FLNA: variants seen among roughly 807,000 people sequenced by gnomAD.
FLNA encodes filamin A.
FLNA carries 7 observed loss-of-function variants against 157.6 expected under a neutral mutation model. The observed-to-expected ratio is 0.04, with a 90% CI of 0.03 to 0.08. FLNA has a LOEUF of 0.08. FLNA is among the 10% of genes least tolerant of loss of function. FLNA has a pLI of 1.00. For synonymous variants in FLNA, 1,103 were observed against 1,060.8 expected (o/e 1.04, Z -0.77); for missense variants, 1,750 against 2,398.4 (o/e 0.73, Z 5.65).
In FLNA at chrX:154,352,187, C is replaced by T; in HGVS notation, c.6763G>A (p.Val2255Met). The part of the protein sequence containing the change: ...GPGLERAEAG[V>M]PAEFSIWTRE... The stretch of plus-strand genomic sequence containing the variant: ...GGGGTGTGAGCAGGCCTACCTGGCA[C>T]TCCAGCTTCAGCTCTCTCCAGGCCA... The change falls in exon 41 of 48, where the codon GTG becomes ATG. Residue 2255 changes from valine to methionine, a missense_variant. This residue lies in a region of FLNA where 970 missense variants were observed against 1,302.6 expected (regional missense o/e 0.74). Transcript: ENST00000369850. 3 of 1,210,650 alleles carry T rather than the reference C, an allele frequency of 2.5e-6. No individual in the cohort carries two copies. The highest frequency in any genetic ancestry group is 2.5e-4 in the Middle Eastern group (1 of 3,937).
rs2067694186 is a variant in FLNA at position 154,360,164 on chromosome X, C to G, written c.3631G>C (p.Asp1211His). ...AGLPAEVYIQDHGDGTHTITY... is the reference protein window; with the variant it reads ...AGLPAEVYIQHHGDGTHTITY... ...ATGGTGTGCGTGCCATCACCGTGGT[C>G]CTGGATGTACACCTCGGCCGGAAGC... Residue 1211 changes from aspartate to histidine, a missense_variant, in exon 22 of 48, where the codon GAC becomes CAC. By Grantham distance (81) the Asp-to-His change is moderately conservative. Coordinates refer to ENST00000369850, the MANE Select transcript of FLNA (RefSeq NM_001110556.2). 1 of 1,208,653 alleles carries G rather than the reference C, an allele frequency of 8.3e-7. No homozygotes were observed. Among genetic ancestry groups the G allele is most frequent in the Admixed American group, 2.2e-5 (1 of 46,043 alleles).
At chrX:154,369,116 G>A (rs1557179853) in intron 2 of FLNA, among the ~76,000 whole-genome samples, 1 of 112,715 alleles carries the variant, frequency 8.9e-6, no homozygotes, top group East Asian at 2.8e-4. Flanking sequence ...GGGCCTATGA[G>A]GAGGGGCTGG....
Position 154,352,613 on chromosome X carries a change from G to A in FLNA, c.6442C>T (p.Arg2148Cys), listed in dbSNP as rs782022901. 13 of 1,210,245 alleles carry A rather than the reference G, an allele frequency of 1.1e-5. No homozygotes were observed. The highest frequency in any genetic ancestry group is 3.5e-5 in the South Asian group (2 of 56,932). Residue 2148 changes from arginine (R) to cysteine (C), a missense_variant, in exon 40 of 48, where the codon CGT (arginine) becomes TGT (cysteine). Arg to Cys is a radical substitution (Grantham distance 180). Coordinates refer to ENST00000369850, the MANE Select transcript of FLNA (RefSeq NM_001110556.2). ...GRVKESITRR[R>C]RAPSVANVGS... ...ACGTTGGCCACTGAAGGAGCCCGAC[G>A]CCTGCGGGTGATGCTCTCTTTCACC... is the stretch of plus-strand genomic sequence containing the variant.
Position 154,353,954 on chromosome X carries a change from G to T in FLNA, c.5647C>A (p.Pro1883Thr), listed in dbSNP as rs782102231. The T allele has an allele frequency of 2.5e-6, 3 of 1,211,922 alleles. No individual in the cohort carries two copies. Among genetic ancestry groups the T allele is most frequent in the Non-Finnish European group, 3.4e-6 (3 of 895,304 alleles). Reference sequence around the variant, plus strand: ...TTGGTGTTGACGGTGAAGGTGGCAGGCTTGTTCACTACTCCATGGGTGAGG... The same window carrying T: ...TTGGTGTTGACGGTGAAGGTGGCAGTCTTGTTCACTACTCCATGGGTGAGG... ...PGLTHGVVNK[P>T]ATFTVNTKDA... Residue 1883 changes from proline (P) to threonine (T), a missense_variant, in exon 35 of 48, where the codon CCT becomes ACT. Physicochemically the swap from Pro to Thr is conservative, Grantham distance 38. Coordinates refer to ENST00000369850, the MANE Select transcript of FLNA (RefSeq NM_001110556.2).
rs1446934891 is a variant in FLNA, at chrX:154,361,321, G to C, written c.3194C>G (p.Thr1065Ser). The C allele has an allele frequency of 8.3e-7, 1 of 1,207,785 alleles. No homozygotes were observed. The highest frequency in any genetic ancestry group is 1.8e-5 in the African/African-American group (1 of 56,757). The change falls in exon 21 of 48, where the codon ACC (threonine) becomes AGC (serine). Residue 1065 changes from threonine to serine, a missense_variant. Physicochemically the swap from Thr to Ser is moderately conservative, Grantham distance 58 (BLOSUM62 1). Coordinates refer to ENST00000369850, the MANE Select transcript of FLNA (RefSeq NM_001110556.2). ...SPFPLEAVAP[T>S]KPSKVKAFGP... Reference sequence around the variant, plus strand: ...TACCCCAATTACCTTGCTAGGCTTGGTGGGGGCCACAGCTTCCAGAGGAAA... The same window carrying C: ...TACCCCAATTACCTTGCTAGGCTTGCTGGGGGCCACAGCTTCCAGAGGAAA...
rs1461148946 is a variant in FLNA, at chrX:154,354,979, A to C, written c.5063T>G (p.Val1688Gly). ...CACCTCTGAGCCATCAGGCGTGCACACGGTGCACGTCACTTTGCCTTTGCC... is the reference window on the plus strand; with the variant it reads ...CACCTCTGAGCCATCAGGCGTGCACCCGGTGCACGTCACTTTGCCTTTGCC... ...AAGKGKVTCT[V>G]CTPDGSEVDV... Residue 1688 changes from valine (V) to glycine (G), a missense_variant, in exon 31 of 48, where the codon GTG (valine) becomes GGG (glycine). By Grantham distance (109) the Val-to-Gly change is moderately radical. Around this residue, in one of 5 missense-constraint regions of FLNA, gnomAD observed 970 missense variants for 1,302.6 expected, o/e 0.74. Coordinates refer to ENST00000369850, the MANE Select transcript of FLNA (RefSeq NM_001110556.2). The C allele has an allele frequency of 1.7e-6, 2 of 1,210,637 alleles. No individual in the cohort carries two copies. Among genetic ancestry groups the C allele is most frequent in the Non-Finnish European group, 2.2e-6 (2 of 894,947 alleles).
In FLNA at chrX:154,359,559, G is replaced by A; in HGVS notation, c.4067C>T (p.Ser1356Phe). The change falls in exon 24 of 48, where the codon TCC becomes TTC. Residue 1356 changes from serine to phenylalanine, a missense_variant. Around this residue, in one of 5 missense-constraint regions of FLNA, gnomAD observed 970 missense variants for 1,302.6 expected, o/e 0.74. Coordinates refer to ENST00000369850, the MANE Select transcript of FLNA (RefSeq NM_001110556.2). ...GCCTGGCCCGTGGACACGCACCCGG[G>A]AGGGGTCGCAGCCCTCGGTCACGGG... ...QVPVTEGCDP[S>F]RVRVHGPGIQ... 1 of 1,211,170 alleles carries A rather than the reference G, an allele frequency of 8.3e-7. No individual in the cohort carries two copies. The highest frequency in any genetic ancestry group is 1.1e-6 in the Non-Finnish European group (1 of 895,373).
chrX:154,350,894 G>A lies in FLNA; in HGVS notation c.7156+15C>T. 1 of 1,210,208 alleles carries A rather than the reference G, an allele frequency of 8.3e-7. No individual in the cohort carries two copies. The highest frequency in any genetic ancestry group is 1.8e-5 in the South Asian group (1 of 57,020). On this transcript the variant is annotated intron_variant, in intron 44 of 47. Coordinates refer to ENST00000369850, the MANE Select transcript of FLNA (RefSeq NM_001110556.2). ...GCCAGCAGGGCAGGGCGGCCGGGCA[G>A]GGACAGGGCCTCACCTTGGTCAATT...
In FLNA at chrX:154,364,828, G is replaced by A. The variant is rs1557178795; in HGVS notation, c.1821C>T (p.Gly607=). 8 of 1,211,311 alleles carry A rather than the reference G, an allele frequency of 6.6e-6. No homozygotes were observed. The highest frequency in any genetic ancestry group is 7.8e-6 in the Non-Finnish European group (7 of 895,494). Residue 607 remains glycine, a synonymous_variant, in exon 12 of 48, where the codon GGC becomes GGT. Transcript: ENST00000369850. The part of the protein sequence containing the change: ...FVVEAIGDDV[G]TLGFSVEGPS... The stretch of plus-strand genomic sequence containing the variant: ...CTGCAGCCTCCAACTTACCCAGCGT[G>A]CCCACGTCGTCCCCGATAGCCTCCA...
chrX:154,357,178 C>A (rs187291923), intron 30 of FLNA, 73 bp downstream of exon 30: 2 of 1,009,043 alleles, frequency 2.0e-6, no homozygotes, highest in Non-Finnish European at 2.8e-6. Context: ...TCCTGGGAAT[C>A]GGCCCCAAGA....
rs1557177456 is a variant in FLNA at position 154,359,299 on chromosome X, T to A, written c.4250A>T (p.Tyr1417Phe). The A allele has an allele frequency of 2.5e-6, 3 of 1,211,121 alleles. No homozygotes were observed. In the Admixed American group the frequency reaches 6.5e-5, roughly 26 times the overall value. ...DGSCSVEYIP[Y>F]EAGTYSLNVT... ...GTTGAGGCTGTAGGTGCCAGCCTCA[T>A]AAGGGATGTACTCGACCGAGCAGCT... Residue 1417 changes from tyrosine (Y) to phenylalanine (F), a missense_variant, in exon 25 of 48, where the codon TAT becomes TTT. Tyr to Phe is a conservative substitution (Grantham distance 22). Around this residue, in one of 5 missense-constraint regions of FLNA, gnomAD observed 970 missense variants for 1,302.6 expected, o/e 0.74. Transcript: ENST00000369850.
intron 28 of FLNA, 148 bp from the exon 29 acceptor site, chrX:154,357,771 C>G: frequency 1.8e-6 from 1 of 561,058 alleles, no homozygotes; most frequent in Non-Finnish European, 3.0e-6. Flanking sequence ...AAAGGGCTGC[C>G]TGCACCTGGC....
chrX:154,351,032 G>T lies in FLNA; in HGVS notation c.7033C>A (p.Leu2345Ile). ...AAAGAGGCTGGCTGGTTGACCTTTA[G>T]CCCTGACTCCTGGAAGCACAGCAGA... ...LTVSSLQESG[L>I]KVNQPASFAV... Residue 2345 changes from leucine (L) to isoleucine (I), a missense_variant, in exon 44 of 48, where the codon CTA (leucine) becomes ATA (isoleucine). By Grantham distance (5) the Leu-to-Ile change is conservative. This residue lies in a region of FLNA where 970 missense variants were observed against 1,302.6 expected (regional missense o/e 0.74). Transcript: ENST00000369850. The T allele has an allele frequency of 8.3e-7, 1 of 1,211,676 alleles. No homozygotes were observed. The highest frequency in any genetic ancestry group is 1.1e-6 in the Non-Finnish European group (1 of 895,364).
At chrX:154,369,773 G>T (rs782103703) in intron 2 of FLNA, among the ~76,000 whole-genome samples, 1 of 111,839 alleles carries the variant, frequency 8.9e-6, no homozygotes, top group South Asian at 3.7e-4. Flanking sequence ...GGACTTGTGG[G>T]GGTGGGCCTG....
At chrX:154,366,710 T>C in intron 6 of FLNA, 22 bp downstream of exon 6, 1 of 1,198,592 alleles carries the variant, frequency 8.3e-7, no homozygotes, top group Non-Finnish European at 1.1e-6. Context: ...GCGGGGCCTC[T>C]GCTGCCAGCA....
intron 30 of FLNA, among the ~76,000 whole-genome samples, chrX:154,355,498 G>C (rs111516870): frequency 0.036 from 4,132 of 113,531 alleles, 86 homozygotes; most frequent in Non-Finnish European, 0.057. Flanking sequence ...GACGCGGTGA[G>C]GCGGAGTCCT....
At chrX:154,371,425 G>A (rs1181135686) in intron 1 of FLNA, 64 bp from the exon 2 acceptor site, 6 of 513,278 alleles carry the variant, frequency 1.2e-5, no homozygotes, top group South Asian at 6.5e-5. Flanking sequence ...GGCCTCCTGC[G>A]GGGAGGGGCC....
chrX:154,350,646 C>G (rs938740903), intron 44 of FLNA: 48 of 398,889 alleles, frequency 1.2e-4, no homozygotes, highest in Non-Finnish European at 1.8e-4. Flanking sequence ...GCTGAAGGGC[C>G]GGGCAGCACT....
chrX:154,351,278 C>T (rs781944275), intron 43 of FLNA: 1 of 448,045 alleles, frequency 2.2e-6, no homozygotes, highest in East Asian at 3.7e-5. Flanking sequence ...AGGGCTGCCC[C>T]ACCCTGTGGG....
Sources: gnomAD v4.1 joint callset for allele counts (sites outside exome capture counted in the v4.1 genomes callset) on GRCh38, gnomAD v4.1.1 for gene constraint, gnomAD v4.1.1 regional missense constraint, MANE v1.5 for transcripts, NCBI Gene and HGNC (gene_info 2026-07-23, HGNC 2026-07-21) for gene names.